The following NKIRAS1 variants were observed in gnomAD, a reference collection of about 807,000 sequenced individuals.
The protein encoded by NKIRAS1 is NFKB inhibitor interacting Ras like 1, also known as NF-kappa-B inhibitor-interacting Ras-like protein 1.
In NKIRAS1, 16 loss-of-function variants were observed where a neutral mutation model predicts 19.8. The ratio of observed to expected loss-of-function variants is 0.81; its 90% CI spans 0.55 to 1.23. NKIRAS1 has a LOEUF of 1.23. NKIRAS1 is among the 50% of genes most tolerant of loss of function. The probability of loss-of-function intolerance (pLI) is 0.00; values close to 1 mark genes in which losing one functional copy is unlikely to be tolerated. For missense variants in NKIRAS1, 184 were observed against 220.0 expected (o/e 0.84, Z 1.04); for synonymous variants, 88 against 79.0 (o/e 1.11, Z -0.61).
intron 1 of NKIRAS1, among the ~76,000 whole-genome samples, chr3:23,945,867 CTG>C (rs545785882): frequency 6.6e-6 from 1 of 150,856 alleles, no homozygotes; most frequent in Non-Finnish European, 1.5e-5. Context: ...CACGTGCGCG[CTG>C]TGTTTACGTT....
chr3:23,895,585 A>G (rs6797649), intron 4 of NKIRAS1, among the ~76,000 whole-genome samples: 5 of 152,064 alleles, frequency 3.3e-5, no homozygotes, highest in African/African-American at 1.2e-4. Flanking sequence ...GTTAAATTTA[A>G]CTATTAACCA....
Position 23,936,620 on chromosome 3 carries a change from C to T in NKIRAS1, c.-140+9703G>A, listed in dbSNP as rs149810167. On this transcript the variant is annotated intron_variant, in intron 1 of 4. Transcript: ENST00000421515. ...GGAGTGCAGTGGTGCGATCTCGGCT[C>T]ACTGCAACCTCTACCTCCTGGGTTC... Among the ~76,000 whole-genome samples, 633 of 152,248 alleles carry T rather than the reference C, an allele frequency of 4.2e-3. 4 individuals are homozygous for T. The highest frequency in any genetic ancestry group is 0.01 in the South Asian group (50 of 4,820).
chr3:23,942,199 G>C lies in NKIRAS1; in HGVS notation c.-140+4124C>G, dbSNP rs1165884737. 3.3e-5 allele frequency among the ~76,000 whole-genome samples: 5 copies of C among 151,732 alleles called. No individual in the cohort carries two copies. In the East Asian group the frequency reaches 9.7e-4, roughly 30 times the overall value. ...TTGTCAAGTTGGCCAGGCTGGTCTT[G>C]AACTCCTGGCCTCAAGAGATCCGCC... On this transcript the variant is annotated intron_variant, in intron 1 of 4. Transcript: ENST00000421515.
chr3:23,939,429 C>T (rs887839209), intron 1 of NKIRAS1, among the ~76,000 whole-genome samples: 1 of 152,038 alleles, frequency 6.6e-6, no homozygotes, highest in South Asian at 2.1e-4. Context: ...AAAGAAAAAG[C>T]ACAAATAAAT....
upstream of NKIRAS1, chr3:23,921,663 C>A: frequency 1.5e-6 from 1 of 661,082 alleles, no homozygotes; most frequent in South Asian, 1.6e-5. Context: ...CAACCTCTGT[C>A]TCCCGGGTTT....
chr3:23,945,172 G>C (rs1705606376), intron 1 of NKIRAS1: 1 of 132,394 alleles, frequency 7.6e-6, no homozygotes, highest in Admixed American at 7.5e-5. Flanking sequence ...GGGGAGCCGG[G>C]AAGCGGGCGG....
intron 1 of NKIRAS1, among the ~76,000 whole-genome samples, chr3:23,912,224 A>G (rs1008589427): frequency 6.6e-6 from 1 of 152,244 alleles, no homozygotes; most frequent in Admixed American, 6.5e-5. Flanking sequence ...GCTTCTGCAC[A>G]GCAAAAGAAA....
intron 1 of NKIRAS1, among the ~76,000 whole-genome samples, chr3:23,937,353 G>GA (rs1705415188): frequency 2.0e-5 from 3 of 149,886 alleles, no homozygotes; most frequent in African/African-American, 4.9e-5. Flanking sequence ...AAGAAAAAAA[G>GA]AAAAGAAAAA....
chr3:23,930,452 G>A (rs1396140722), intron 1 of NKIRAS1, among the ~76,000 whole-genome samples: 2 of 103,266 alleles, frequency 1.9e-5, no homozygotes, highest in Non-Finnish European at 4.5e-5. Context: ...CAGAATAAAA[G>A]ATAAATAAGC....
intron 1 of NKIRAS1, 134 bp downstream of exon 1, chr3:23,916,650 G>C (rs1478540332): frequency 6.6e-6 from 1 of 152,560 alleles, no homozygotes; most frequent in Non-Finnish European, 1.5e-5. Flanking sequence ...GAAGCGTCGG[G>C]GGATCTCTCA....
intron 3 of NKIRAS1, among the ~76,000 whole-genome samples, chr3:23,903,817 G>C (rs1702749795): frequency 6.6e-6 from 1 of 152,170 alleles, no homozygotes; most frequent in Non-Finnish European, 1.5e-5. Flanking sequence ...ATTCAAAACT[G>C]AAGAACATGC....
At chr3:23,901,712 A>T (rs543630566) in intron 3 of NKIRAS1, among the ~76,000 whole-genome samples, 2 of 152,328 alleles carry the variant, frequency 1.3e-5, no homozygotes, top group Non-Finnish European at 2.9e-5. Context: ...AACATTCTTA[A>T]TTTTAATAAG....
chr3:23,935,220 A>T (rs1203124344), intron 1 of NKIRAS1, among the ~76,000 whole-genome samples: 2 of 151,476 alleles, frequency 1.3e-5, no homozygotes, highest in East Asian at 3.9e-4. Context: ...TTAAAAAAAA[A>T]CCCTGACAAT....
rs180891660 is a variant in NKIRAS1, at chr3:23,934,754, C to T, written c.-140+11569G>A. Among the ~76,000 whole-genome samples, 4 of 152,198 alleles carry T rather than the reference C, an allele frequency of 2.6e-5. No individual in the cohort carries two copies. In the East Asian group the frequency reaches 7.7e-4, roughly 29 times the overall value. Reference sequence around the variant, plus strand: ...CACAATGGTGATTATTCACAACTTGCCCATCTTCTGAGAAAATAAAGCCTT... The same window carrying T: ...CACAATGGTGATTATTCACAACTTGTCCATCTTCTGAGAAAATAAAGCCTT... On this transcript the variant is annotated intron_variant, in intron 1 of 4. Coordinates refer to the NKIRAS1 transcript ENST00000421515.
In NKIRAS1 at chr3:23,891,629, C is replaced by G. The variant is rs1355632341; in HGVS notation, c.*1466G>C. 1.3e-5 allele frequency: 2 copies of G among 152,276 alleles called. No homozygotes were observed. Among genetic ancestry groups the G allele is most frequent in the South Asian group, 2.1e-4 (1 of 4,822 alleles). The allele number at this position is 152,276 out of a possible 1,614,324, so 9.4% of individuals were successfully genotyped here. A position where few individuals can be genotyped will look rare whatever the true frequency, so the allele number is the denominator to read the frequency against. Reference sequence around the variant, plus strand: ...CCGTCATGGATAAATTGGTACCCTGCCTTAGGGGGCATTTTGGCAGTACAT... The same window carrying G: ...CCGTCATGGATAAATTGGTACCCTGGCTTAGGGGGCATTTTGGCAGTACAT... On this transcript the variant is annotated 3_prime_UTR_variant, in exon 5 of 5. Coordinates refer to ENST00000425478, the MANE Select transcript of NKIRAS1 (RefSeq NM_020345.4).
At chr3:23,924,275 G>A (rs558657807) in intron 1 of NKIRAS1, 5 of 152,260 alleles carry the variant, frequency 3.3e-5, no homozygotes, top group African/African-American at 7.2e-5. Flanking sequence ...ATTTAAAAGC[G>A]TTTTTTATGT....
chr3:23,930,459 A>AT (rs1177963412), intron 1 of NKIRAS1, among the ~76,000 whole-genome samples: 1 of 86,736 alleles, frequency 1.2e-5, no homozygotes, highest in Non-Finnish European at 2.9e-5. Flanking sequence ...AAAGATAAAT[A>AT]AGCCGCCAAA....
chr3:23,924,615 G>A (rs886285109), intron 1 of NKIRAS1, among the ~76,000 whole-genome samples: 1 of 152,068 alleles, frequency 6.6e-6, no homozygotes, highest in East Asian at 1.9e-4. Context: ...TGCCAGGCTG[G>A]TCTATTACCC....
At chr3:23,917,505 G>C (rs1306204621), upstream of NKIRAS1, 1 of 177,170 alleles carries the variant, frequency 5.6e-6, no homozygotes, top group Non-Finnish European at 1.2e-5. Context: ...CTCGGTGGCC[G>C]CAGCAGTACC....
Sources: allele counts gnomAD v4.1 joint callset (sites outside exome capture counted in the v4.1 genomes callset), GRCh38; gene constraint gnomAD v4.1.1; transcripts MANE v1.5; gene names NCBI Gene and HGNC (gene_info 2026-07-23, HGNC 2026-07-21).